The following PPIH variants were observed in gnomAD, a reference collection of about 807,000 sequenced individuals.
PPIH encodes peptidyl-prolyl cis-trans isomerase H.
PPIH carries 16 observed loss-of-function variants against 27.6 expected under a neutral mutation model. The ratio of observed to expected loss-of-function variants is 0.58; its 90% CI spans 0.39 to 0.88. The LOEUF is 0.88. Ranked by LOEUF, PPIH falls within the 40% of genes least tolerant of loss-of-function variation. PPIH has a pLI of 0.00. For missense variants in PPIH, 155 were observed against 224.1 expected (o/e 0.69, Z 1.97); for synonymous variants, 63 against 76.1 (o/e 0.83, Z 0.90).
intron 9 of PPIH, among the ~76,000 whole-genome samples, chr1:42,674,795 T>C (rs1283578281): frequency 1.3e-5 from 2 of 152,096 alleles, no homozygotes; most frequent in East Asian, 3.9e-4. Context: ...GCAGCAAATA[T>C]TTATGTGCCT....
At chr1:42,666,118 A>T in intron 7 of PPIH, 51 bp downstream of exon 7, 1 of 1,521,788 alleles carries the variant, frequency 6.6e-7, no homozygotes, top group Non-Finnish European at 9.1e-7. Flanking sequence ...CCTGGATGGA[A>T]CCTCCAGAGG....
In PPIH at chr1:42,659,042, G is replaced by A. The variant is rs181186201; in HGVS notation, c.131+134G>A. The A allele has an allele frequency of 6.4e-4, 846 of 1,317,012 alleles. 3 individuals are homozygous for A. In the African/African-American group the frequency reaches 8.9e-3, roughly 14 times the overall value. The allele number at this position is 1,317,012 out of a possible 1,614,324, so 81.6% of individuals were successfully genotyped here. ...ACCTGATTCCTCCATGCATTGCTCT[G>A]TCTGGTTGCCGTTTGGATTGTTCCC... On this transcript the variant is annotated intron_variant, in intron 2 of 9. Coordinates refer to ENST00000304979, the MANE Select transcript of PPIH (RefSeq NM_006347.4).
intron 6 of PPIH, among the ~76,000 whole-genome samples, 192 bp downstream of exon 6, chr1:42,665,147 T>G (rs539367744): frequency 6.6e-6 from 1 of 152,352 alleles, no homozygotes; most frequent in East Asian, 1.9e-4. Context: ...CTCACGCCTG[T>G]AATCCCAGCA....
downstream of PPIH, among the ~76,000 whole-genome samples, chr1:42,679,908 CCAG>C (rs1449543875): frequency 6.6e-6 from 1 of 152,222 alleles, no homozygotes; most frequent in Non-Finnish European, 1.5e-5. Flanking sequence ...GCACAGCTGC[CCAG>C]ATGACCCTTC....
chr1:42,666,461 A>T, intron 7 of PPIH, 86 bp from the exon 8 acceptor site: 2 of 1,342,624 alleles, frequency 1.5e-6, no homozygotes, highest in Non-Finnish European at 1.1e-6. Flanking sequence ...ATGAGGGTTT[A>T]ATGAGAAAAT....
chr1:42,664,797 G>C (rs1254803274), intron 5 of PPIH, 66 bp from the exon 6 acceptor site: 23 of 1,284,842 alleles, frequency 1.8e-5, no homozygotes, highest in African/African-American at 3.0e-5. Flanking sequence ...GTGCGACAGT[G>C]TTCTTCCTCC....
intron 1 of PPIH, 46 bp downstream of exon 1, chr1:42,658,558 T>C (rs1214621922): frequency 5.7e-6 from 9 of 1,579,556 alleles, no homozygotes; most frequent in Non-Finnish European, 7.8e-6. Context: ...GGGAAACTGC[T>C]CGGGGCTAGG....
intron 5 of PPIH, among the ~76,000 whole-genome samples, chr1:42,661,444 G>T (rs1267109799): frequency 6.6e-6 from 1 of 152,212 alleles, no homozygotes; most frequent in African/African-American, 2.4e-5. Context: ...AGAGAGCCCA[G>T]TGAAATAGTT....
downstream of PPIH, among the ~76,000 whole-genome samples, chr1:42,680,177 TG>T (rs1176023428): frequency 1.3e-5 from 2 of 152,204 alleles, no homozygotes; most frequent in African/African-American, 4.8e-5. Flanking sequence ...TAGAATTTTA[TG>T]TAATACTCCA....
At chr1:42,660,618 CG>C (rs2148709636) in intron 4 of PPIH, among the ~76,000 whole-genome samples, 2 of 152,158 alleles carry the variant, frequency 1.3e-5, no homozygotes, top group South Asian at 4.2e-4. Flanking sequence ...TTAGTAGAGA[CG>C]GGGTTTTGCC....
At chr1:42,675,058 G>A (rs932508618) in intron 9 of PPIH, among the ~76,000 whole-genome samples, 1 of 152,368 alleles carries the variant, frequency 6.6e-6, no homozygotes, top group Non-Finnish European at 1.5e-5. Context: ...TTAAGTGACA[G>A]TCAAGATGTA....
chr1:42,660,994 C>A (rs1188036040), intron 5 of PPIH, 90 bp downstream of exon 5: 2 of 1,221,368 alleles, frequency 1.6e-6, no homozygotes, highest in Non-Finnish European at 2.4e-6. Context: ...GAGACCCAGT[C>A]TTCAGGCTTG....
rs1649317790 is a variant in PPIH, at chr1:42,666,068, G to T, written c.424+1G>T. 6.2e-7 allele frequency: 1 copy of T among 1,613,806 alleles called. No homozygotes were observed. The highest frequency in any genetic ancestry group is 8.5e-7 in the Non-Finnish European group (1 of 1,179,722). ...CTGGATGGGAAGCATGTGGTGTTTG[G>T]TAAGTCCTACTCCTGTCTCATGGTC... On this transcript the variant is annotated splice_donor_variant, in intron 7 of 9. Coordinates refer to ENST00000304979, the MANE Select transcript of PPIH (RefSeq NM_006347.4). LOFTEE classifies it high-confidence loss of function.
downstream of PPIH, among the ~76,000 whole-genome samples, chr1:42,677,189 T>G (rs536011878): frequency 1.1e-4 from 16 of 152,246 alleles, no homozygotes; most frequent in East Asian, 3.1e-3. Context: ...ATGTTAGTTT[T>G]GGGACCGGGT....
downstream of PPIH, chr1:42,678,803 G>A (rs958318061): frequency 6.6e-6 from 1 of 152,246 alleles, no homozygotes; most frequent in African/African-American, 2.4e-5. Flanking sequence ...TTGCATGAAT[G>A]ATAGTGGTAT....
chr1:42,677,155 T>TA (rs1649915951), downstream of PPIH, among the ~76,000 whole-genome samples: 3 of 152,302 alleles, frequency 2.0e-5, no homozygotes, highest in African/African-American at 7.2e-5. Flanking sequence ...TAATTTGTAG[T>TA]AAACAGCAAC....
At chr1:42,659,424 C>G (rs747332624) in intron 3 of PPIH, 98 bp from the exon 4 acceptor site, 1 of 1,614,092 alleles carries the variant, frequency 6.2e-7, no homozygotes. Context: ...TGTCTGTCAA[C>G]CATCTTTAGG....
chr1:42,671,381 T>G (rs1369163563), intron 9 of PPIH, among the ~76,000 whole-genome samples: 2 of 152,160 alleles, frequency 1.3e-5, no homozygotes, highest in African/African-American at 4.8e-5. Context: ...TGAGCCAAGA[T>G]TGTGCCATTG....
intron 5 of PPIH, among the ~76,000 whole-genome samples, chr1:42,664,380 G>GTA (rs1649212501): frequency 1.3e-5 from 2 of 152,268 alleles, no homozygotes; most frequent in African/African-American, 4.8e-5. Flanking sequence ...AGTGAGTTAG[G>GTA]CATCCTTCCC....
Sources: gnomAD v4.1 joint callset for allele counts (sites outside exome capture counted in the v4.1 genomes callset) on GRCh38, gnomAD v4.1.1 for gene constraint, MANE v1.5 for transcripts, NCBI Gene and HGNC (gene_info 2026-07-23, HGNC 2026-07-21) for gene names.